The following EIF2AK4 variants were observed in gnomAD, a reference collection of about 807,000 sequenced individuals.
EIF2AK4 encodes eukaryotic translation initiation factor 2 alpha kinase 4, also known as eIF-2-alpha kinase GCN2.
In EIF2AK4, 139 loss-of-function variants were observed where a neutral mutation model predicts 211.1. The ratio of observed to expected loss-of-function variants is 0.66; its 90% CI spans 0.57 to 0.76. EIF2AK4 has a LOEUF of 0.76. Among genes scored for constraint, EIF2AK4 ranks in the 30% least tolerant of loss-of-function variants. The probability of loss-of-function intolerance (pLI) is 0.00; values close to 1 mark genes in which losing one functional copy is unlikely to be tolerated. For synonymous variants in EIF2AK4, 710 were observed against 751.3 expected, an observed-to-expected ratio of 0.94 and a Z score of 0.90; for missense variants, 1,664 against 2,043.8, an observed-to-expected ratio of 0.81 and a Z score of 3.58.
At chr15:39,954,041 T>C (rs2034357127) in intron 5 of EIF2AK4, 57 bp downstream of exon 5, 1 of 1,391,058 alleles carries the variant, frequency 7.2e-7, no homozygotes, top group African/African-American at 1.4e-5. Context: ...GTGTTTTTAT[T>C]TCCACTGATG....
chr15:39,990,183 T>C, intron 15 of EIF2AK4, 90 bp from the exon 16 acceptor site: 1 of 1,289,720 alleles, frequency 7.8e-7, no homozygotes, highest in South Asian at 1.3e-5. Flanking sequence ...TCATACGATT[T>C]TCATCGCTAG....
rs764061717 is a variant in EIF2AK4 at position 40,030,425 on chromosome 15, C to T, written c.4628C>T (p.Ser1543Leu). The change falls in exon 35 of 39, where the codon TCA becomes TTA. Residue 1543 changes from serine to leucine, a missense_variant. Ser to Leu is a moderately radical substitution (Grantham distance 145). Around this residue, in one of 7 missense-constraint regions of EIF2AK4, gnomAD observed 138 missense variants for 165.1 expected, o/e 0.84. Coordinates refer to ENST00000263791, the MANE Select transcript of EIF2AK4 (RefSeq NM_001013703.4). ...AGTGTGCTAGCCCCGGAGAAGCTGTCAGCCAGCACTAGGAGGCGCTATGAA... is the reference window on the plus strand; with the variant it reads ...AGTGTGCTAGCCCCGGAGAAGCTGTTAGCCAGCACTAGGAGGCGCTATGAA... Reference protein sequence around the residue: ...IVSVLAPEKLSASTRRRYETQ... With the variant: ...IVSVLAPEKLLASTRRRYETQ... 6 of 1,614,094 alleles carry T rather than the reference C, an allele frequency of 3.7e-6. No homozygotes were observed. In the East Asian group the frequency reaches 1.3e-4, roughly 36 times the overall value.
intron 33 of EIF2AK4, among the ~76,000 whole-genome samples, chr15:40,028,834 G>A (rs2035500715): frequency 6.6e-6 from 1 of 152,166 alleles, no homozygotes; most frequent in African/African-American, 2.4e-5. Flanking sequence ...AGGCTACATG[G>A]GATTTAGTTT....
At chr15:39,981,914 A>G (rs1445037377) in intron 13 of EIF2AK4, among the ~76,000 whole-genome samples, 1 of 145,400 alleles carries the variant, frequency 6.9e-6, no homozygotes, top group Non-Finnish European at 1.5e-5. Context: ...GCCCTTTGAT[A>G]ATGTGGTCAC....
At chr15:39,979,955 G>A (rs1469694853) in intron 13 of EIF2AK4, among the ~76,000 whole-genome samples, 3 of 152,182 alleles carry the variant, frequency 2.0e-5, no homozygotes, top group Non-Finnish European at 4.4e-5. Context: ...GGCGCAAGAA[G>A]CTCTTTTTTG....
Position 40,020,886 on chromosome 15 carries a change from G to C in EIF2AK4, c.4174-13G>C. On this transcript the variant is annotated splice_polypyrimidine_tract_variant and intron_variant, in intron 30 of 38. Transcript: ENST00000263791. ...TTGCTCCTCTAACTGTAACCGGTCT[G>C]TTTCTGATCCAGGTTACAATAAGCT... 3.1e-6 allele frequency: 5 copies of C among 1,605,058 alleles called. No homozygotes were observed. The highest frequency in any genetic ancestry group is 4.3e-6 in the Non-Finnish European group (5 of 1,175,348).
intron 32 of EIF2AK4, among the ~76,000 whole-genome samples, chr15:40,024,755 CAG>C (rs950846942): frequency 7.1e-6 from 1 of 140,632 alleles, no homozygotes; most frequent in African/African-American, 2.7e-5. Flanking sequence ...TTTTTTGAGA[CAG>C]GGTCTCACTC....
intron 21 of EIF2AK4, 75 bp downstream of exon 21, chr15:40,001,299 C>A (rs1331043963): frequency 1.4e-6 from 2 of 1,415,812 alleles, no homozygotes; most frequent in Non-Finnish European, 9.8e-7. Context: ...CTCACAGATT[C>A]TTTTAATGCC....
intron 27 of EIF2AK4, among the ~76,000 whole-genome samples, chr15:40,015,511 A>G (rs2035292316): frequency 6.6e-6 from 1 of 152,174 alleles, no homozygotes; most frequent in Non-Finnish European, 1.5e-5. Flanking sequence ...TATCATGGGA[A>G]GGACCCGCCC....
intron 17 of EIF2AK4, 159 bp from the exon 18 acceptor site, chr15:39,992,610 T>C (rs570190627): frequency 9.4e-6 from 6 of 640,954 alleles, no homozygotes; most frequent in Admixed American, 2.7e-5. Flanking sequence ...ACGTGACTTA[T>C]GGTTATTCAT....
chr15:39,949,833 C>T (rs758282224), intron 4 of EIF2AK4, among the ~76,000 whole-genome samples: 1 of 151,920 alleles, frequency 6.6e-6, no homozygotes, highest in Non-Finnish European at 1.5e-5. Context: ...CTGTTTATAT[C>T]CTATGCTGAG....
chr15:40,034,565 T>G (rs1595442708), intron 38 of EIF2AK4, 121 bp downstream of exon 38: 1 of 732,374 alleles, frequency 1.4e-6, no homozygotes, highest in African/African-American at 1.8e-5. Context: ...TTCTTAGAAT[T>G]GCAGCTGACA....
chr15:40,034,249 T>C, intron 37 of EIF2AK4, 77 bp from the exon 38 acceptor site: 1 of 1,099,412 alleles, frequency 9.1e-7, no homozygotes. Flanking sequence ...GACACTGGAA[T>C]TTCATTAGTG....
chr15:40,031,388 T>A (rs1178038807), intron 35 of EIF2AK4, among the ~76,000 whole-genome samples: 2 of 152,202 alleles, frequency 1.3e-5, no homozygotes, highest in African/African-American at 4.8e-5. Flanking sequence ...AATCAGGTAC[T>A]TTATTTTTGT....
At chr15:40,009,810 C>A in intron 26 of EIF2AK4, 80 bp downstream of exon 26, 3 of 1,052,292 alleles carry the variant, frequency 2.9e-6, no homozygotes, top group Non-Finnish European at 1.4e-6. Flanking sequence ...TGATGATTTT[C>A]TTACCCATGC....
At chr15:40,009,079 G>GTTTTT (rs2035201902) in intron 25 of EIF2AK4, among the ~76,000 whole-genome samples, 1 of 144,996 alleles carries the variant, frequency 6.9e-6, no homozygotes. Context: ...TTTTTGTTTT[G>GTTTTT]TTTTGTTTTG....
intron 4 of EIF2AK4, among the ~76,000 whole-genome samples, chr15:39,953,642 C>A (rs1469701414): frequency 2.0e-5 from 3 of 152,186 alleles, no homozygotes; most frequent in African/African-American, 7.2e-5. Flanking sequence ...TGGAAATCTC[C>A]TGCACATAGA....
At chr15:40,012,916 G>A (rs1567004950) in intron 27 of EIF2AK4, among the ~76,000 whole-genome samples, 1 of 152,168 alleles carries the variant, frequency 6.6e-6, no homozygotes, top group African/African-American at 2.4e-5. Context: ...TTGCCAAAGA[G>A]TTTCACATAT....
In EIF2AK4 at chr15:39,965,788, T is replaced by C. The variant is rs1204193944; in HGVS notation, c.962T>C (p.Met321Thr). 1 of 1,613,864 alleles carries C rather than the reference T, an allele frequency of 6.2e-7. No homozygotes were observed. Among genetic ancestry groups the C allele is most frequent in the African/African-American group, 1.3e-5 (1 of 74,884 alleles). ...YEWVLQWQKK[M>T]GPFLTSQEKE... ...TGGGTCCTTCAGTGGCAGAAAAAAA[T>C]GGGTCCATTCCTTACCAGTCAAGAA... is the stretch of plus-strand genomic sequence containing the variant. The change falls in exon 8 of 39, where the codon ATG (methionine) becomes ACG (threonine). Residue 321 changes from methionine (M) to threonine (T), a missense_variant. Coordinates refer to ENST00000263791, the MANE Select transcript of EIF2AK4 (RefSeq NM_001013703.4).
Sources: allele counts gnomAD v4.1 joint callset (sites outside exome capture counted in the v4.1 genomes callset), GRCh38; gene constraint gnomAD v4.1.1; regional missense constraint gnomAD v4.1.1; transcripts MANE v1.5; gene names NCBI Gene and HGNC (gene_info 2026-07-23, HGNC 2026-07-21).